GIMAP2: variants seen among roughly 807,000 people sequenced by gnomAD.
GIMAP2 encodes the protein GTPase IMAP family member 2.
Under a neutral mutation model 25.5 loss-of-function variants are expected in GIMAP2, and 22 were observed. The observed-to-expected ratio is 0.86, with a 90% CI of 0.62 to 1.23. The LOEUF is 1.23. Ranked by LOEUF, GIMAP2 falls within the 50% of genes most tolerant of loss-of-function variation. GIMAP2 has a pLI of 0.00. For synonymous variants in GIMAP2, 167 were observed against 143.0 expected, an observed-to-expected ratio of 1.17 and a Z score of -1.20; for missense variants, 422 against 395.7, an observed-to-expected ratio of 1.07 and a Z score of -0.56.
At chr7:150,689,340 G>C (rs1023541810) in intron 2 of GIMAP2, 6 of 523,810 alleles carry the variant, frequency 1.1e-5, no homozygotes, top group Non-Finnish European at 2.1e-5. Context: ...GGATGATTTA[G>C]AGACCCTCTC....
chr7:150,688,520 A>G (rs903802536), intron 2 of GIMAP2, among the ~76,000 whole-genome samples: 3 of 152,172 alleles, frequency 2.0e-5, no homozygotes, highest in African/African-American at 7.2e-5. Context: ...ACTATGACAC[A>G]TGTATCAGGT....
At chr7:150,687,367 G>A (rs536088268) in intron 2 of GIMAP2, 2 of 313,934 alleles carry the variant, frequency 6.4e-6, no homozygotes, top group Admixed American at 9.4e-5. Flanking sequence ...CCACCTCCCA[G>A]GTTCAAGTGA....
rs201338701 is a variant in GIMAP2, at chr7:150,692,322, T to C, written c.36T>C (p.His12=). The C allele has an allele frequency of 5.0e-6, 8 of 1,613,206 alleles. No homozygotes were observed. The East Asian group carries it at 1.3e-4, about 27-fold the overall frequency. ...DQNEHSHWGP[H]AKGQCASRSE... ...TAAACTTGCTCCTCACAGGACCACA[T>C]GCAAAGGGCCAATGTGCCAGCAGAT... The change falls in exon 3 of 3, where the codon CAT becomes CAC. Residue 12 remains histidine (H), a synonymous_variant. Transcript: ENST00000223293.
Position 150,693,356 on chromosome 7 carries a change from T to C in GIMAP2, c.*56T>C. On this transcript the variant is annotated 3_prime_UTR_variant, in exon 3 of 3. Transcript: ENST00000223293. ...TCATTTAGTGGGTGAATCACAGTAA[T>C]TTCCCTGTAAAATGTGGTACCTGAA... 3 of 1,195,688 alleles carry C rather than the reference T, an allele frequency of 2.5e-6. No homozygotes were observed. In the South Asian group the frequency reaches 4.6e-5, roughly 18 times the overall value. 74.1% of individuals were successfully genotyped at this position (1,195,688 alleles called of 1,614,324 possible). A position where few individuals can be genotyped will look rare whatever the true frequency, so the allele number is the denominator to read the frequency against.
At chr7:150,688,322 G>A (rs1432007496) in intron 2 of GIMAP2, among the ~76,000 whole-genome samples, 2 of 152,048 alleles carry the variant, frequency 1.3e-5, no homozygotes, top group African/African-American at 2.4e-5. Context: ...GTAGAGACAG[G>A]GTTTCACCAT....
At chr7:150,687,895 C>T (rs1796922172) in intron 2 of GIMAP2, among the ~76,000 whole-genome samples, 1 of 152,084 alleles carries the variant, frequency 6.6e-6, no homozygotes, top group African/African-American at 2.4e-5. Flanking sequence ...CCTCCTCACT[C>T]TCTGCCCCTC....
At position 150,693,595 on chromosome 7, in the gene GIMAP2, T is replaced by A. The variant is rs1796994104; in HGVS notation, c.*295T>A. On this transcript the variant is annotated 3_prime_UTR_variant, in exon 3 of 3. Coordinates refer to ENST00000223293, the MANE Select transcript of GIMAP2 (RefSeq NM_015660.3). Reference sequence around the variant, plus strand: ...TTCTTTCTAGTACTACTATTTCTACTGAATATAATGAAAATGGCAATAAAA... The same window carrying A: ...TTCTTTCTAGTACTACTATTTCTACAGAATATAATGAAAATGGCAATAAAA... 1 of 241,230 alleles carries A rather than the reference T, an allele frequency of 4.1e-6. No homozygotes were observed. The highest frequency in any genetic ancestry group is 7.9e-6 in the Non-Finnish European group (1 of 126,022). 14.9% of individuals were successfully genotyped at this position (241,230 alleles called of 1,614,324 possible). A position where few individuals can be genotyped will look rare whatever the true frequency, so the allele number is the denominator to read the frequency against.
chr7:150,687,751 T>G (rs1796920304), intron 2 of GIMAP2, among the ~76,000 whole-genome samples: 1 of 151,760 alleles, frequency 6.6e-6, no homozygotes. Flanking sequence ...CTCTCTGTCT[T>G]TCTGTCTGTC....
chr7:150,692,970 A>G lies in GIMAP2; in HGVS notation c.684A>G (p.Gly228=), dbSNP rs770458368. Residue 228 remains glycine (G), a synonymous_variant, in exon 3 of 3, where the codon GGA becomes GGG. Coordinates refer to ENST00000223293, the MANE Select transcript of GIMAP2 (RefSeq NM_015660.3). ...LYSLIQRSKC[G]PVGSDERVKE... ...GCCTAATACAGAGGTCTAAATGTGGACCTGTGGGATCAGATGAAAGAGTAA... is the reference window on the plus strand; with the variant it reads ...GCCTAATACAGAGGTCTAAATGTGGGCCTGTGGGATCAGATGAAAGAGTAA... 4.3e-6 allele frequency: 7 copies of G among 1,613,934 alleles called. No homozygotes were observed. The African/African-American group carries it at 9.3e-5, about 22-fold the overall frequency.
In GIMAP2 at chr7:150,687,052, G is replaced by A. The variant is rs765336659; in HGVS notation, c.-8G>A. 2 of 1,605,376 alleles carry A rather than the reference G, an allele frequency of 1.2e-6. No individual in the cohort carries two copies. The highest frequency in any genetic ancestry group is 1.1e-5 in the South Asian group (1 of 90,874). The stretch of plus-strand genomic sequence containing the variant: ...AGTTTCTTGTCTCTCTGTTTCTCAG[G>A]AACACCAATGGACCAAAATGAACAC... On this transcript the variant is annotated splice_region_variant and 5_prime_UTR_variant, in exon 2 of 3. Coordinates refer to ENST00000223293, the MANE Select transcript of GIMAP2 (RefSeq NM_015660.3).
intron 2 of GIMAP2, among the ~76,000 whole-genome samples, chr7:150,689,319 T>TATTTATGAGTGGATG (rs1439634928): frequency 1.3e-5 from 2 of 152,134 alleles, no homozygotes; most frequent in African/African-American, 4.8e-5. Flanking sequence ...ACATGCCCAA[T>TATTTATGAGTGGATG]ATTTATGAGT....
chr7:150,687,123 T>C (rs766209682), intron 2 of GIMAP2, 36 bp downstream of exon 2: 21 of 965,718 alleles, frequency 2.2e-5, no homozygotes, highest in Middle Eastern at 2.6e-4. Flanking sequence ...TGTGTGTGTG[T>C]GTGTGTGTGT....
rs1796985926 is a variant in GIMAP2 at position 150,692,902 on chromosome 7, T to C, written c.616T>C (p.Leu206=). 9.3e-6 allele frequency: 15 copies of C among 1,614,178 alleles called. No homozygotes were observed. Among genetic ancestry groups the C allele is most frequent in the Non-Finnish European group, 1.2e-5 (14 of 1,180,022 alleles). The change falls in exon 3 of 3, where the codon TTG becomes CTG. Residue 206 remains leucine (L), a synonymous_variant. Transcript: ENST00000223293. ...KELMDCIEDL[L]MEKNGDHYTN... The stretch of plus-strand genomic sequence containing the variant: ...ACTAATGGACTGTATTGAGGATCTG[T>C]TGATGGAGAAAAATGGTGATCACTA...
At chr7:150,687,172 T>C in intron 2 of GIMAP2, 85 bp downstream of exon 2, 1 of 1,179,818 alleles carries the variant, frequency 8.5e-7, no homozygotes, top group Non-Finnish European at 1.2e-6. Flanking sequence ...CTTCTGATGA[T>C]GTTGGGGCAA....
chr7:150,686,955 A>AG, intron 1 of GIMAP2, 97 bp from the exon 2 acceptor site: 1 of 810,514 alleles, frequency 1.2e-6, no homozygotes, highest in East Asian at 3.0e-5. Context: ...AAAAAAAAAA[A>AG]AAAAAAAAGA....
Position 150,692,946 on chromosome 7 carries a change from C to G in GIMAP2, c.660C>G (p.Ser220Arg). 6.2e-7 allele frequency: 1 copy of G among 1,613,964 alleles called. No homozygotes were observed. Residue 220 changes from serine to arginine, a missense_variant, in exon 3 of 3, where the codon AGC becomes AGG. Coordinates refer to ENST00000223293, the MANE Select transcript of GIMAP2 (RefSeq NM_015660.3). ...ATCACTATACCAATGGGTTGTACAGCCTAATACAGAGGTCTAAATGTGGAC... is the reference window on the plus strand; with the variant it reads ...ATCACTATACCAATGGGTTGTACAGGCTAATACAGAGGTCTAAATGTGGAC... ...NGDHYTNGLY[S>R]LIQRSKCGPV...
rs1166138925 is a variant in GIMAP2 at position 150,693,622 on chromosome 7, A to T, written c.*322A>T. On this transcript the variant is annotated 3_prime_UTR_variant, in exon 3 of 3. Transcript: ENST00000223293. ...AATATAATGAAAATGGCAATAAAAT[A>T]ATATTACATAAACTGTAAAGTTCCT... 1.5e-5 allele frequency: 3 copies of T among 201,688 alleles called. No individual in the cohort carries two copies. In the East Asian group the frequency reaches 3.9e-4, roughly 26 times the overall value. The allele number at this position is 201,688 out of a possible 1,614,324, so 12.5% of individuals were successfully genotyped here.
At position 150,685,803 on chromosome 7, in the gene GIMAP2, A is replaced by T. The variant is rs1796894394; in HGVS notation, c.-9+18A>T. On this transcript the variant is annotated intron_variant, in intron 1 of 2. Coordinates refer to ENST00000223293, the MANE Select transcript of GIMAP2 (RefSeq NM_015660.3). ...TAAATCAGGTAAGCCCAGATTTACG[A>T]AAAGTTCTGCAGTGTTGATTTCTAG... is the stretch of plus-strand genomic sequence containing the variant. 1.1e-6 allele frequency: 1 copy of T among 937,160 alleles called. No individual in the cohort carries two copies. Among genetic ancestry groups the T allele is most frequent in the Admixed American group, 6.2e-5 (1 of 16,212 alleles). The allele number at this position is 937,160 out of a possible 1,614,324, so 58.1% of individuals were successfully genotyped here. A position where few individuals can be genotyped will look rare whatever the true frequency, so the allele number is the denominator to read the frequency against.
At position 150,687,258 on chromosome 7, in the gene GIMAP2, T is replaced by TTTTGTTTGTTTG. The variant is rs1378346398; in HGVS notation, c.28+174_28+175insGTTTGTTTGTTT. On this transcript the variant is annotated intron_variant, in intron 2 of 2. Coordinates refer to ENST00000223293, the MANE Select transcript of GIMAP2 (RefSeq NM_015660.3). ...AGCAGCTGAAAATTGTGGGGTTTTG[T>TTTTGTTTGTTTG]TTTCTTTGTTTGTTTGTTTGTTTGT... 1.2e-4 allele frequency: 61 copies of TTTTGTTTGTTTG among 495,004 alleles called. 1 individual carries two copies. The highest frequency in any genetic ancestry group is 1.8e-4 in the Non-Finnish European group (51 of 285,120). The allele number at this position is 495,004 out of a possible 1,614,324, so 30.7% of individuals were successfully genotyped here.
Sources: gnomAD v4.1 joint callset for allele counts (sites outside exome capture counted in the v4.1 genomes callset) on GRCh38, gnomAD v4.1.1 for gene constraint, MANE v1.5 for transcripts, NCBI Gene and HGNC (gene_info 2026-07-23, HGNC 2026-07-21) for gene names.